The following ADGRB3 variants were observed in gnomAD, a reference collection of about 807,000 sequenced individuals.
ADGRB3 encodes adhesion G protein-coupled receptor B3, also known as brain-specific angiogenesis inhibitor 3.
ADGRB3 carries 37 observed loss-of-function variants against 193.4 expected under a neutral mutation model. That is an observed-to-expected ratio of 0.19 (90% CI 0.15 to 0.25). The LOEUF is 0.25. Ranked by LOEUF, ADGRB3 falls within the 10% of genes least tolerant of loss-of-function variation. ADGRB3 has a pLI of 1.00. For missense variants in ADGRB3, 1,637 were observed against 1,852.9 expected (o/e 0.88, Z 2.14); for synonymous variants, 690 against 644.2 (o/e 1.07, Z -1.08).
At chr6:69,291,727 G>A (rs1375506844) in intron 20 of ADGRB3, among the ~76,000 whole-genome samples, 1 of 152,076 alleles carries the variant, frequency 6.6e-6, no homozygotes, top group Non-Finnish European at 1.5e-5. Flanking sequence ...AAATGAAGGG[G>A]TTCAGGATAC....
intron 29 of ADGRB3, among the ~76,000 whole-genome samples, chr6:69,369,695 C>CAAA (rs913608447): frequency 1.7e-5 from 1 of 59,516 alleles, no homozygotes; most frequent in Admixed American, 1.5e-4. Flanking sequence ...AAGACCATTT[C>CAAA]AAAAAAAAAA....
At chr6:68,774,722 A>T (rs1320325726) in intron 3 of ADGRB3, among the ~76,000 whole-genome samples, 1 of 152,112 alleles carries the variant, frequency 6.6e-6, no homozygotes, top group Non-Finnish European at 1.5e-5. Context: ...TTGAAATAGA[A>T]TAGGAGGCCT....
At chr6:68,684,148 T>C (rs1052805747) in intron 3 of ADGRB3, among the ~76,000 whole-genome samples, 1 of 152,216 alleles carries the variant, frequency 6.6e-6, no homozygotes, top group African/African-American at 2.4e-5. Context: ...TTTCTCTTGT[T>C]CTCAGTCATA....
At position 69,041,176 on chromosome 6, in the gene ADGRB3, A is replaced by G. The variant is rs554350606; in HGVS notation, c.2108-7009A>G. On this transcript the variant is annotated intron_variant, in intron 13 of 31. Transcript: ENST00000370598. ...CTTTTTCTCTGTCCTGAACATTTCA[A>G]TCCCAGCCTTTTGGGAAAGAGATAA... 2.3e-3 allele frequency among the ~76,000 whole-genome samples: 357 copies of G among 152,260 alleles called. 1 individual carries two copies. Among genetic ancestry groups the G allele is most frequent in the African/African-American group, 8.3e-3 (346 of 41,550 alleles).
intron 20 of ADGRB3, among the ~76,000 whole-genome samples, chr6:69,273,312 C>A (rs921880794): frequency 6.6e-6 from 1 of 152,150 alleles, no homozygotes; most frequent in Non-Finnish European, 1.5e-5. Context: ...CATCTAAATT[C>A]CATATATCAA....
intron 3 of ADGRB3, among the ~76,000 whole-genome samples, chr6:68,724,577 A>G (rs151101574): frequency 2.0e-5 from 3 of 151,616 alleles, no homozygotes; most frequent in Non-Finnish European, 4.4e-5. Flanking sequence ...CTGAATTCCT[A>G]TGTAAAAAAT....
intron 30 of ADGRB3, among the ~76,000 whole-genome samples, chr6:69,374,272 T>C (rs537387465): frequency 6.6e-6 from 1 of 152,216 alleles, no homozygotes; most frequent in South Asian, 2.1e-4. Context: ...TTTAGAAAAC[T>C]TATTGCCAAG....
chr6:68,992,631 A>G (rs940676793), intron 10 of ADGRB3, among the ~76,000 whole-genome samples: 9 of 152,202 alleles, frequency 5.9e-5, no homozygotes, highest in African/African-American at 2.2e-4. Context: ...GACTTTTAGC[A>G]TAACACAATG....
At position 69,029,911 on chromosome 6, in the gene ADGRB3, C is replaced by T. The variant is rs192979572; in HGVS notation, c.2107+11412C>T. Among the ~76,000 whole-genome samples the T allele has an allele frequency of 2.6e-3, 395 of 151,664 alleles. 7 individuals carry two copies. Among genetic ancestry groups the T allele is most frequent in the Non-Finnish European group, 8.4e-4 (57 of 67,920 alleles). ...AAAGTGGGCAAAGGATATGAACAGA[C>T]ACTTCTCAAGAGAAAAAATTTATGA... is the stretch of plus-strand genomic sequence containing the variant. On this transcript the variant is annotated intron_variant, in intron 13 of 31. Transcript: ENST00000370598.
chr6:69,253,101 G>T lies in ADGRB3; in HGVS notation c.2814+13875G>T, dbSNP rs899995162. ...GCTTTGCAAAATCAGTTGACTGTAT[G>T]TGTGGATCTGTTTCTGGATTTCTCC... On this transcript the variant is annotated intron_variant, in intron 20 of 31. Transcript: ENST00000370598. Among the ~76,000 whole-genome samples the T allele has an allele frequency of 4.6e-5, 7 of 151,968 alleles. No homozygotes were observed. In the East Asian group the frequency reaches 1.2e-3, roughly 25 times the overall value.
chr6:69,055,103 A>C (rs565702512), intron 15 of ADGRB3, among the ~76,000 whole-genome samples: 1 of 152,172 alleles, frequency 6.6e-6, no homozygotes. Flanking sequence ...TAGTTCTGCC[A>C]TCTCCTCCAT....
At chr6:68,849,683 C>T (rs1303476499) in intron 3 of ADGRB3, among the ~76,000 whole-genome samples, 1 of 151,886 alleles carries the variant, frequency 6.6e-6, no homozygotes, top group African/African-American at 2.4e-5. Context: ...TCACCCAAGT[C>T]TCAATGTCAC....
chr6:69,325,757 A>C (rs1252972051), intron 21 of ADGRB3, among the ~76,000 whole-genome samples: 1 of 152,268 alleles, frequency 6.6e-6, no homozygotes, highest in Non-Finnish European at 1.5e-5. Flanking sequence ...AATTACAAAT[A>C]AGTGTGCTTA....
chr6:69,045,858 T>C (rs1006343121), intron 13 of ADGRB3, among the ~76,000 whole-genome samples: 3 of 152,152 alleles, frequency 2.0e-5, no homozygotes, highest in Admixed American at 6.5e-5. Flanking sequence ...ACTTATTGCA[T>C]AAATTAGTGA....
At chr6:69,301,106 T>G (rs914700238) in intron 20 of ADGRB3, among the ~76,000 whole-genome samples, 1 of 151,722 alleles carries the variant, frequency 6.6e-6, no homozygotes, top group Non-Finnish European at 1.5e-5. Flanking sequence ...TGAGCAAACT[T>G]GAAGATGAGC....
chr6:69,349,191 T>C (rs1157543210), intron 26 of ADGRB3, among the ~76,000 whole-genome samples: 2 of 152,250 alleles, frequency 1.3e-5, no homozygotes, highest in Non-Finnish European at 2.9e-5. Flanking sequence ...TGACACATAA[T>C]GTCCCTTTCC....
chr6:69,163,026 G>C (rs1216441653), intron 17 of ADGRB3, among the ~76,000 whole-genome samples: 1 of 152,060 alleles, frequency 6.6e-6, no homozygotes, highest in Non-Finnish European at 1.5e-5. Context: ...TGGGGATTCT[G>C]TTCCCTTGGC....
At chr6:69,335,073 T>C (rs1402866689) in intron 24 of ADGRB3, among the ~76,000 whole-genome samples, 1 of 151,922 alleles carries the variant, frequency 6.6e-6, no homozygotes, top group Non-Finnish European at 1.5e-5. Flanking sequence ...ATCCAAGACA[T>C]GAAGGTCATA....
chr6:68,708,735 C>T (rs1765364911), intron 3 of ADGRB3, among the ~76,000 whole-genome samples: 1 of 152,096 alleles, frequency 6.6e-6, no homozygotes, highest in Non-Finnish European at 1.5e-5. Flanking sequence ...TACTGTTGAT[C>T]CATGTCAGAT....
Sources: gnomAD v4.1 joint callset for allele counts (sites outside exome capture counted in the v4.1 genomes callset) on GRCh38, gnomAD v4.1.1 for gene constraint, MANE v1.5 for transcripts, NCBI Gene and HGNC (gene_info 2026-07-23, HGNC 2026-07-21) for gene names.